ADAMTSL1: variants seen among roughly 807,000 people sequenced by gnomAD.
ADAMTSL1 encodes the protein ADAMTS-like protein 1.
ADAMTSL1 carries 126 observed loss-of-function variants against 201.8 expected under a neutral mutation model. The ratio of observed to expected loss-of-function variants is 0.62; its 90% CI spans 0.54 to 0.72. ADAMTSL1 has a LOEUF of 0.72. Among genes scored for constraint, ADAMTSL1 ranks in the 30% least tolerant of loss-of-function variants. The pLI, the probability that ADAMTSL1 is intolerant of heterozygous loss-of-function variation, is 0.00. For synonymous variants in ADAMTSL1, 1,121 were observed against 903.4 expected, an observed-to-expected ratio of 1.24 and a Z score of -4.32; for missense variants, 2,679 against 2,277.8, an observed-to-expected ratio of 1.18 and a Z score of -3.59.
At chr9:18,146,532 A>C (rs1166792282) in intron 1 of ADAMTSL1, among the ~76,000 whole-genome samples, 1 of 152,208 alleles carries the variant, frequency 6.6e-6, no homozygotes, top group Non-Finnish European at 1.5e-5. Context: ...TGGATAGATC[A>C]ATAGTTGCTA....
At chr9:18,487,832 C>T (rs543291204) in intron 1 of ADAMTSL1, among the ~76,000 whole-genome samples, 81 of 152,312 alleles carry the variant, frequency 5.3e-4, no homozygotes, top group Admixed American at 8.5e-4. Context: ...GTGTGCTGAG[C>T]GATTTCCACA....
At chr9:18,081,443 C>G (rs145375174) in intron 1 of ADAMTSL1, among the ~76,000 whole-genome samples, 6 of 152,162 alleles carry the variant, frequency 3.9e-5, no homozygotes, top group African/African-American at 1.4e-4. Flanking sequence ...GAACAGTTAA[C>G]TATCCTACAG....
At chr9:17,995,454 T>A (rs959529851) in intron 1 of ADAMTSL1, among the ~76,000 whole-genome samples, 1 of 152,130 alleles carries the variant, frequency 6.6e-6, no homozygotes, top group Non-Finnish European at 1.5e-5. Context: ...AAAGTTATAA[T>A]GAACTGAAAG....
intron 1 of ADAMTSL1, among the ~76,000 whole-genome samples, chr9:18,092,456 C>T (rs1437891593): frequency 6.6e-6 from 1 of 152,144 alleles, no homozygotes; most frequent in Non-Finnish European, 1.5e-5. Context: ...TGTATTTGTT[C>T]CAAAGTCAAA....
intron 1 of ADAMTSL1, among the ~76,000 whole-genome samples, chr9:18,130,101 C>T (rs558923458): frequency 2.0e-5 from 3 of 152,278 alleles, no homozygotes; most frequent in South Asian, 4.1e-4. Context: ...GCCCCACTTC[C>T]TGTGGAATCT....
intron 2 of ADAMTSL1, among the ~76,000 whole-genome samples, chr9:18,364,293 CT>C (rs1346685423): frequency 3.3e-5 from 5 of 152,104 alleles, no homozygotes; most frequent in Non-Finnish European, 5.9e-5. Context: ...TCTTCCTTGT[CT>C]TTACCATGAC....
intron 2 of ADAMTSL1, among the ~76,000 whole-genome samples, chr9:18,311,742 T>C (rs1256339836): frequency 6.6e-6 from 1 of 152,218 alleles, no homozygotes; most frequent in African/African-American, 2.4e-5. Flanking sequence ...AGTCAGTCTC[T>C]GCCTTCAGGA....
intron 2 of ADAMTSL1, among the ~76,000 whole-genome samples, chr9:18,409,543 A>G (rs987233228): frequency 6.6e-6 from 1 of 151,712 alleles, no homozygotes; most frequent in African/African-American, 2.4e-5. Flanking sequence ...TAAGCTGTAG[A>G]TTAATGTTAA....
At chr9:18,694,981 C>G (rs1023946503) in intron 13 of ADAMTSL1, among the ~76,000 whole-genome samples, 1 of 152,234 alleles carries the variant, frequency 6.6e-6, no homozygotes, top group African/African-American at 2.4e-5. Context: ...AGGCTTAACA[C>G]TATGTGGAAG....
At chr9:18,824,623 A>T (rs1021352578) in intron 21 of ADAMTSL1, among the ~76,000 whole-genome samples, 1 of 147,102 alleles carries the variant, frequency 6.8e-6, no homozygotes, top group East Asian at 2.0e-4. Flanking sequence ...AAAACACTAG[A>T]CCACTAGACT....
chr9:18,332,789 C>T (rs531130566), intron 2 of ADAMTSL1, among the ~76,000 whole-genome samples: 8 of 152,166 alleles, frequency 5.3e-5, no homozygotes, highest in South Asian at 2.1e-4. Flanking sequence ...CCCATTGAAC[C>T]GCCAGAGTTC....
At chr9:18,349,238 A>G (rs1027674332) in intron 2 of ADAMTSL1, among the ~76,000 whole-genome samples, 1 of 152,206 alleles carries the variant, frequency 6.6e-6, no homozygotes, top group Non-Finnish European at 1.5e-5. Context: ...TCGCTCTCAT[A>G]TACATGGGTG....
chr9:18,454,707 A>G (rs1820537102), intron 2 of ADAMTSL1, among the ~76,000 whole-genome samples: 1 of 152,142 alleles, frequency 6.6e-6, no homozygotes, highest in Non-Finnish European at 1.5e-5. Flanking sequence ...ACTAGTTTAT[A>G]TTATTCCACC....
intron 1 of ADAMTSL1, among the ~76,000 whole-genome samples, chr9:18,062,101 G>A (rs1014674260): frequency 6.6e-6 from 1 of 152,172 alleles, no homozygotes; most frequent in Non-Finnish European, 1.5e-5. Flanking sequence ...TAAAAAACAG[G>A]AAGAATGGGT....
In ADAMTSL1 at chr9:18,369,800, T is replaced by C. The variant is rs10963588; in HGVS notation, c.208-135029T>C. Among the ~76,000 whole-genome samples, 56 of 152,318 alleles carry C rather than the reference T, an allele frequency of 3.7e-4. 1 individual carries two copies. The East Asian group carries it at 9.1e-3, about 25-fold the overall frequency. ...AAGACAATGCGGTATCTATACACCA[T>C]GGATACTATGCAGCCGTAAGGAAGA... On this transcript the variant is annotated intron_variant, in intron 2 of 29. Coordinates refer to the ADAMTSL1 transcript ENST00000680146.
upstream of ADAMTSL1, among the ~76,000 whole-genome samples, chr9:18,471,865 A>G (rs1314498786): frequency 6.6e-6 from 1 of 152,236 alleles, no homozygotes; most frequent in Non-Finnish European, 1.5e-5. Flanking sequence ...TTCTGACTCA[A>G]AATACCTAGG....
intron 2 of ADAMTSL1, among the ~76,000 whole-genome samples, chr9:18,272,070 A>G (rs955999690): frequency 1.3e-5 from 2 of 151,646 alleles, no homozygotes; most frequent in African/African-American, 4.9e-5. Context: ...TAGATTCTGG[A>G]TATTAGCCCT....
intron 2 of ADAMTSL1, among the ~76,000 whole-genome samples, chr9:18,328,325 A>C (rs1834905192): frequency 6.6e-6 from 1 of 152,220 alleles, no homozygotes; most frequent in South Asian, 2.1e-4. Context: ...ACAATGCATT[A>C]TAATCAGTTA....
chr9:18,662,702 G>T (rs1173982531), intron 9 of ADAMTSL1, among the ~76,000 whole-genome samples: 1 of 152,158 alleles, frequency 6.6e-6, no homozygotes, highest in Non-Finnish European at 1.5e-5. Context: ...TTGCTTTTTG[G>T]AAACTACAGT....
Sources: gnomAD v4.1 joint callset for allele counts (sites outside exome capture counted in the v4.1 genomes callset) on GRCh38, gnomAD v4.1.1 for gene constraint, MANE v1.5 for transcripts, NCBI Gene and HGNC (gene_info 2026-07-23, HGNC 2026-07-21) for gene names.